NIM1K: variants seen among roughly 807,000 people sequenced by gnomAD.
The protein encoded by NIM1K is serine/threonine-protein kinase NIM1.
Under a neutral mutation model 37.1 loss-of-function variants are expected in NIM1K, and 35 were observed. The observed-to-expected ratio is 0.94, with a 90% confidence interval of 0.72 to 1.25. NIM1K has a LOEUF of 1.25. Ranked by LOEUF, NIM1K falls within the 50% of genes most tolerant of loss-of-function variation. NIM1K has a pLI of 0.00. For synonymous variants in NIM1K, 234 were observed against 206.6 expected (o/e 1.13, Z -1.14); for missense variants, 564 against 548.0 (o/e 1.03, Z -0.29).
At chr5:43,238,465 C>T (rs2112253094) in intron 1 of NIM1K, among the ~76,000 whole-genome samples, 2 of 151,794 alleles carry the variant, frequency 1.3e-5, no homozygotes, top group South Asian at 4.2e-4. Context: ...TTATCTTCTG[C>T]TTCTTCATGG....
At chr5:43,241,420 G>A (rs1579974893) in intron 1 of NIM1K, among the ~76,000 whole-genome samples, 2 of 150,522 alleles carry the variant, frequency 1.3e-5, no homozygotes, top group South Asian at 2.1e-4. Context: ...CTGGGTTCTC[G>A]CCTCCGCCTC....
At chr5:43,249,312 G>A (rs941077158) in intron 2 of NIM1K, among the ~76,000 whole-genome samples, 3 of 151,674 alleles carry the variant, frequency 2.0e-5, no homozygotes, top group Non-Finnish European at 2.9e-5. Flanking sequence ...CTCGTGATCC[G>A]CTACCTCGGC....
chr5:43,206,690 G>A (rs1180341303), intron 1 of NIM1K: 13 of 694,770 alleles, frequency 1.9e-5, no homozygotes, highest in Non-Finnish European at 3.5e-5. Flanking sequence ...CCCCAGGTAT[G>A]GCACAGGGCC....
intron 1 of NIM1K, among the ~76,000 whole-genome samples, chr5:43,227,751 C>T (rs563682679): frequency 1.5e-3 from 234 of 152,248 alleles, no homozygotes; most frequent in African/African-American, 5.5e-3. Flanking sequence ...TTATTAATCT[C>T]ATCCATGTGG....
rs1386785742 is a variant in NIM1K at position 43,280,073 on chromosome 5, A to G, written c.655A>G (p.Thr219Ala). 3.1e-6 allele frequency: 5 copies of G among 1,614,204 alleles called. No homozygotes were observed. Among genetic ancestry groups the G allele is most frequent in the Admixed American group, 1.7e-5 (1 of 60,024 alleles). Residue 219 changes from threonine to alanine, a missense_variant, in exon 4 of 4, where the codon ACA becomes GCA. Transcript: ENST00000326035. ...CVKVGDFGFS[T>A]VSKKGEMLNT... is the part of the protein sequence containing the mutation. ...GAAGGTGGGCGATTTTGGATTCAGC[A>G]CAGTAAGCAAAAAAGGTGAAATGCT...
intron 2 of NIM1K, among the ~76,000 whole-genome samples, chr5:43,269,871 G>T (rs908152047): frequency 6.6e-6 from 1 of 152,070 alleles, no homozygotes; most frequent in Non-Finnish European, 1.5e-5. Flanking sequence ...ACCCCCCTTG[G>T]CCTCCCAAAG....
chr5:43,274,491 A>G (rs914803092), intron 2 of NIM1K, among the ~76,000 whole-genome samples: 4 of 152,326 alleles, frequency 2.6e-5, no homozygotes, highest in Non-Finnish European at 4.4e-5. Context: ...CTTACCCAAC[A>G]TGCTACACAA....
intron 2 of NIM1K, among the ~76,000 whole-genome samples, chr5:43,264,490 G>C (rs369017173): frequency 6.6e-5 from 10 of 152,068 alleles, no homozygotes; most frequent in Admixed American, 4.6e-4. Flanking sequence ...CTTCCTCCAT[G>C]CCTTTATTTT....
intron 1 of NIM1K, among the ~76,000 whole-genome samples, chr5:43,223,126 G>A (rs1337041503): frequency 8.0e-6 from 1 of 125,714 alleles, no homozygotes; most frequent in African/African-American, 3.1e-5. Flanking sequence ...GCAACAGAGC[G>A]AGACTCCATC....
intron 1 of NIM1K, among the ~76,000 whole-genome samples, chr5:43,197,200 C>G (rs2112192174): frequency 6.6e-6 from 1 of 152,262 alleles, no homozygotes. Context: ...ACAATCATAG[C>G]TCACTGCAGC....
In NIM1K at chr5:43,280,371, G is replaced by A. The variant is rs535565999; in HGVS notation, c.953G>A (p.Cys318Tyr). The part of the protein sequence containing the change: ...QIPTERYGID[C>Y]IMNDEWMQGV... Reference sequence around the variant, plus strand: ...CCCACGGAGAGGTACGGAATCGACTGCATCATGAATGATGAATGGATGCAA... The same window carrying A: ...CCCACGGAGAGGTACGGAATCGACTACATCATGAATGATGAATGGATGCAA... Residue 318 changes from cysteine to tyrosine, a missense_variant, in exon 4 of 4, where the codon TGC becomes TAC. By Grantham distance (194) the Cys-to-Tyr change is radical. Transcript: ENST00000326035. 1 of 1,614,218 alleles carries A rather than the reference G, an allele frequency of 6.2e-7. No individual in the cohort carries two copies. Among genetic ancestry groups the A allele is most frequent in the South Asian group, 1.1e-5 (1 of 91,084 alleles).
chr5:43,238,697 T>G (rs1752655431), intron 1 of NIM1K, among the ~76,000 whole-genome samples: 1 of 151,920 alleles, frequency 6.6e-6, no homozygotes, highest in African/African-American at 2.4e-5. Flanking sequence ...GATGGCTATG[T>G]GGCTTTCTTG....
At chr5:43,242,808 T>C (rs1752723393) in intron 1 of NIM1K, 1 of 151,448 alleles carries the variant, frequency 6.6e-6, no homozygotes, top group African/African-American at 2.4e-5. Flanking sequence ...CCTGGTGCTT[T>C]TTTTTTTTTT....
rs1279499644 is a variant in NIM1K, at chr5:43,213,222, T to TTTCTTTCC, written c.-695+20814_-695+20815insTTTCCTTC. Among the ~76,000 whole-genome samples, 56 of 140,288 alleles carry TTTCTTTCC rather than the reference T, an allele frequency of 4.0e-4. 1 individual carries two copies. Among genetic ancestry groups the TTTCTTTCC allele is most frequent in the Middle Eastern group, 3.7e-3 (1 of 272 alleles). 92.0% of individuals were successfully genotyped at this position (140,288 alleles called of 152,430 possible). A position where few individuals can be genotyped will look rare whatever the true frequency, so the allele number is the denominator to read the frequency against. On this transcript the variant is annotated intron_variant, in intron 1 of 3. Transcript: ENST00000326035. ...CTTTCTTTCTTTCTTTCTTTCTTTC[T>TTTCTTTCC]TTCCTTCTTTTCTTCCTTTCTTTCT... is the stretch of plus-strand genomic sequence containing the variant.
At chr5:43,268,688 C>G (rs1053684370) in intron 2 of NIM1K, among the ~76,000 whole-genome samples, 5 of 152,164 alleles carry the variant, frequency 3.3e-5, no homozygotes, top group Non-Finnish European at 7.3e-5. Context: ...TATATCCACA[C>G]CTTAGCAGAA....
At chr5:43,278,273 G>C (rs1039167600) in intron 3 of NIM1K, among the ~76,000 whole-genome samples, 2 of 152,120 alleles carry the variant, frequency 1.3e-5, no homozygotes, top group African/African-American at 4.8e-5. Flanking sequence ...TTGAACTCCT[G>C]ACCTCAAGCG....
intron 3 of NIM1K, among the ~76,000 whole-genome samples, chr5:43,278,082 G>T: frequency 7.5e-6 from 1 of 133,918 alleles, no homozygotes; most frequent in South Asian, 2.3e-4. Context: ...GTCTTCCTCT[G>T]TCACCCAGGA....
At chr5:43,236,696 C>T (rs1461341622) in intron 1 of NIM1K, among the ~76,000 whole-genome samples, 3 of 152,176 alleles carry the variant, frequency 2.0e-5, no homozygotes, top group Non-Finnish European at 4.4e-5. Context: ...CAAAGGGAAC[C>T]TCAAGTGTTG....
rs1172737927 is a variant in NIM1K, at chr5:43,233,245, T to C, written c.-694-11837T>C. 5 of 697,650 alleles carry C rather than the reference T, an allele frequency of 7.2e-6. No homozygotes were observed. In the African/African-American group the frequency reaches 8.8e-5, roughly 12 times the overall value. 43.2% of individuals were successfully genotyped at this position (697,650 alleles called of 1,614,324 possible). A position where few individuals can be genotyped will look rare whatever the true frequency, so the allele number is the denominator to read the frequency against. ...ATTGTTGCTTCTTACAGTGCGACTC[T>C]TAGGTGATTGATATAAGAGAACCTG... On this transcript the variant is annotated intron_variant, in intron 1 of 3. Transcript: ENST00000326035.
Sources: gnomAD v4.1 joint callset for allele counts (sites outside exome capture counted in the v4.1 genomes callset) on GRCh38, gnomAD v4.1.1 for gene constraint, MANE v1.5 for transcripts, NCBI Gene and HGNC (gene_info 2026-07-23, HGNC 2026-07-21) for gene names.